Variants in ZFP2 observed in about 807,000 individuals in gnomAD.
ZFP2 encodes ZFP2 zinc finger protein.
ZFP2 carries 33 observed loss-of-function variants against 36.1 expected under a neutral mutation model. That is an observed-to-expected ratio of 0.92 (90% CI 0.69 to 1.22). The LOEUF (loss-of-function observed/expected upper bound fraction) is 1.22. Ranked by LOEUF, ZFP2 falls within the 50% of genes most tolerant of loss-of-function variation. The pLI is 0.00. For synonymous variants in ZFP2, 170 were observed against 178.0 expected, an observed-to-expected ratio of 0.96 and a Z score of 0.36; for missense variants, 522 against 551.4, an observed-to-expected ratio of 0.95 and a Z score of 0.53.
chr5:178,912,782 T>C, intron 2 of ZFP2, 63 bp downstream of exon 2: 1 of 1,029,798 alleles, frequency 9.7e-7, no homozygotes, highest in Non-Finnish European at 1.2e-6. Context: ...TCATAAGGCA[T>C]TGTTTTAGGG....
chr5:178,905,809 T>C (rs572040677), intron 1 of ZFP2, among the ~76,000 whole-genome samples: 10 of 152,076 alleles, frequency 6.6e-5, no homozygotes, highest in African/African-American at 2.4e-4. Flanking sequence ...TGGACTACAG[T>C]GGTGTGATCT....
chr5:178,910,561 C>A, intron 1 of ZFP2: 1 of 501,584 alleles, frequency 2.0e-6, no homozygotes, highest in South Asian at 1.7e-5. Flanking sequence ...TCTTGCTGCC[C>A]AGGGTCAATG....
At chr5:178,899,895 GTTTA>G (rs978349868) in intron 1 of ZFP2, among the ~76,000 whole-genome samples, 13 of 152,150 alleles carry the variant, frequency 8.5e-5, no homozygotes, top group African/African-American at 3.1e-4. Flanking sequence ...AGGATCACTT[GTTTA>G]TTTATTAGAG....
chr5:178,926,856 T>C (rs1014321339), intron 4 of ZFP2, among the ~76,000 whole-genome samples: 4 of 152,306 alleles, frequency 2.6e-5, no homozygotes, highest in African/African-American at 9.6e-5. Context: ...ACAGTTCCTC[T>C]GTTTGGGGTT....
intron 1 of ZFP2, among the ~76,000 whole-genome samples, chr5:178,903,397 A>G (rs984079198): frequency 6.6e-6 from 1 of 152,184 alleles, no homozygotes; most frequent in Admixed American, 6.5e-5. Flanking sequence ...TTTAAAGGCA[A>G]TGAGAGAGAA....
intron 4 of ZFP2, 134 bp downstream of exon 4, chr5:178,916,844 C>A: frequency 1.7e-6 from 1 of 600,960 alleles, no homozygotes; most frequent in Non-Finnish European, 2.1e-6. Flanking sequence ...CGCTTTCTTC[C>A]CTTGCCCTGC....
rs554668255 is a variant in ZFP2, at chr5:178,897,648, A to G, written c.-450+1674A>G. ...TTATTTCATATCTTGAATGAAATAT[A>G]TATATACACACACATACATAAATAC... On this transcript the variant is annotated intron_variant, in intron 1 of 4. Coordinates refer to ENST00000361362, the MANE Select transcript of ZFP2 (RefSeq NM_030613.4). Among the ~76,000 whole-genome samples the G allele has an allele frequency of 3.3e-5, 5 of 152,320 alleles. No individual in the cohort carries two copies. The East Asian group carries it at 9.6e-4, about 29-fold the overall frequency.
chr5:178,896,445 G>T (rs926213513), intron 1 of ZFP2, among the ~76,000 whole-genome samples: 4 of 152,184 alleles, frequency 2.6e-5, no homozygotes, highest in Non-Finnish European at 5.9e-5. Context: ...GGGATTCTGG[G>T]CCAGAGGCTG....
chr5:178,929,844 A>T (rs1758778235), intron 4 of ZFP2, among the ~76,000 whole-genome samples: 1 of 151,810 alleles, frequency 6.6e-6, no homozygotes, highest in Non-Finnish European at 1.5e-5. Flanking sequence ...TCACATTGTT[A>T]TGAAGAAATA....
chr5:178,900,145 G>A, intron 1 of ZFP2, among the ~76,000 whole-genome samples: 1 of 152,186 alleles, frequency 6.6e-6, no homozygotes, highest in Non-Finnish European at 1.5e-5. Context: ...AATTTATGTA[G>A]CCAAAATAGT....
chr5:178,925,009 A>C (rs1758636675), intron 4 of ZFP2, among the ~76,000 whole-genome samples: 1 of 147,022 alleles, frequency 6.8e-6, no homozygotes, highest in Non-Finnish European at 1.5e-5. Flanking sequence ...GACTTCTGTG[A>C]TACCTCCTTT....
In ZFP2 at chr5:178,929,942, TG is replaced by T. The variant is rs66712212; in HGVS notation, c.-77-1284del. On this transcript the variant is annotated intron_variant, in intron 4 of 4. Coordinates refer to ENST00000361362, the MANE Select transcript of ZFP2 (RefSeq NM_030613.4). ...CATAGTGCCAGCATCTGCTTGACGG[TG>T]GGGGGGGGGGCTCAGGAGGCTTACA... 8.8e-4 allele frequency among the ~76,000 whole-genome samples: 116 copies of T among 131,982 alleles called. 2 individuals are homozygous for T. In the Middle Eastern group the frequency reaches 0.012, roughly 13 times the overall value. 86.6% of individuals were successfully genotyped at this position (131,982 alleles called of 152,430 possible).
intron 1 of ZFP2, among the ~76,000 whole-genome samples, chr5:178,912,088 G>A (rs183828947): frequency 1.0e-3 from 159 of 152,298 alleles, no homozygotes; most frequent in African/African-American, 3.6e-3. Context: ...AGCCGAGAAC[G>A]TGCCACTGCA....
chr5:178,917,598 G>A (rs535150623), intron 4 of ZFP2, among the ~76,000 whole-genome samples: 39 of 151,352 alleles, frequency 2.6e-4, no homozygotes, highest in Admixed American at 2.0e-3. Flanking sequence ...CTGGGCAACA[G>A]AGCAAGACTC....
At chr5:178,907,953 A>G (rs761743304) in intron 1 of ZFP2, among the ~76,000 whole-genome samples, 10 of 152,228 alleles carry the variant, frequency 6.6e-5, no homozygotes, top group Non-Finnish European at 1.5e-4. Context: ...TAAACTCAAC[A>G]TGAAATGCAA....
Position 178,912,659 on chromosome 5 carries a change from C to T in ZFP2, c.-374C>T, listed in dbSNP as rs1758321169. 4.7e-6 allele frequency: 5 copies of T among 1,061,126 alleles called. No homozygotes were observed. The highest frequency in any genetic ancestry group is 2.8e-4 in the Middle Eastern group (1 of 3,612). The allele number at this position is 1,061,126 out of a possible 1,614,324, so 65.7% of individuals were successfully genotyped here. On this transcript the variant is annotated 5_prime_UTR_variant, in exon 2 of 5. Coordinates refer to ENST00000361362, the MANE Select transcript of ZFP2 (RefSeq NM_030613.4). ...AGAGTGGATTCAAGCAGATTCTGCT[C>T]AGAGGATGACCGTGTATGGGGAGGT...
intron 4 of ZFP2, among the ~76,000 whole-genome samples, chr5:178,926,086 AT>A (rs1357454930): frequency 1.5e-5 from 2 of 137,458 alleles, no homozygotes; most frequent in African/African-American, 5.0e-5. Context: ...GTCTCAAGAA[AT>A]CCTCCCACAT....
rs1561687057 is a variant in ZFP2, at chr5:178,932,114, A to G, written c.801A>G (p.Glu267=). ...LIVHQRSHTG[E]KPYECSQCGK... is the part of the protein sequence containing the mutation. The stretch of plus-strand genomic sequence containing the variant: ...TACATCAGAGAAGCCATACTGGAGA[A>G]AAACCCTATGAGTGTAGTCAATGTG... The change falls in exon 5 of 5, where the codon GAA becomes GAG. Residue 267 remains glutamate (E), a synonymous_variant. Coordinates refer to ENST00000361362, the MANE Select transcript of ZFP2 (RefSeq NM_030613.4). 1 of 1,612,942 alleles carries G rather than the reference A, an allele frequency of 6.2e-7. No individual in the cohort carries two copies.
Position 178,922,228 on chromosome 5 carries a change from TCTAGTA to T in ZFP2, c.-78+5522_-78+5527del, listed in dbSNP as rs1200755631. Reference sequence around the variant, plus strand: ...GTTCTGGTTTTGTAACTGCTGTCAGTCTAGTACTATATTTAGTAGTGAAACCAAATA... The same window carrying T: ...GTTCTGGTTTTGTAACTGCTGTCAGTCTATATTTAGTAGTGAAACCAAATA... On this transcript the variant is annotated intron_variant, in intron 4 of 4. Transcript: ENST00000361362. The T allele has an allele frequency of 1.4e-4, 152 of 1,071,696 alleles. No homozygotes were observed. In the East Asian group the frequency reaches 3.4e-3, roughly 24 times the overall value. 66.4% of individuals were successfully genotyped at this position (1,071,696 alleles called of 1,614,324 possible). A position where few individuals can be genotyped will look rare whatever the true frequency, so the allele number is the denominator to read the frequency against.
Sources: gnomAD v4.1 joint callset for allele counts (sites outside exome capture counted in the v4.1 genomes callset) on GRCh38, gnomAD v4.1.1 for gene constraint, MANE v1.5 for transcripts, NCBI Gene and HGNC (gene_info 2026-07-23, HGNC 2026-07-21) for gene names.